The following RECQL4 variants were observed in gnomAD, a reference collection of about 807,000 sequenced individuals.
RECQL4 encodes ATP-dependent DNA helicase Q4.
Under a neutral mutation model 128.6 loss-of-function variants are expected in RECQL4, and 158 were observed. The observed-to-expected ratio is 1.23, with a 90% CI of 1.08 to 1.40. The LOEUF (loss-of-function observed/expected upper bound fraction) is 1.40. Ranked by LOEUF, RECQL4 falls within the 40% of genes most tolerant of loss-of-function variation. RECQL4 has a pLI of 0.00. For missense variants in RECQL4, 2,293 were observed against 1,649.8 expected, an observed-to-expected ratio of 1.39 and a Z score of -6.75; for synonymous variants, 996 against 678.9, an observed-to-expected ratio of 1.47 and a Z score of -7.26.
intron 1 of RECQL4, 27 bp downstream of exon 1, chr8:144,517,674 G>GC (rs1815418482): frequency 6.9e-7 from 1 of 1,456,130 alleles, no homozygotes; most frequent in Non-Finnish European, 9.0e-7. Context: ...CGCGCCCTCA[G>GC]CCCCTCGGCC....
Position 144,515,133 on chromosome 8 carries a change from C to A in RECQL4, c.1483+17G>T. ...GCCTGGCCTCAGCCCAGCCTCAGCC[C>A]TGGCAGCCACGCTCACCAGACAGGA... On this transcript the variant is annotated intron_variant, in intron 8 of 20. Coordinates refer to ENST00000617875, the MANE Select transcript of RECQL4 (RefSeq NM_004260.4). 1 of 1,568,964 alleles carries A rather than the reference C, an allele frequency of 6.4e-7. No homozygotes were observed. The highest frequency in any genetic ancestry group is 2.4e-5 in the East Asian group (1 of 42,034).
At position 144,515,843 on chromosome 8, in the gene RECQL4, A is replaced by G. The variant is rs916996999; in HGVS notation, c.1179T>C (p.Gly393=). 1 of 1,612,724 alleles carries G rather than the reference A, an allele frequency of 6.2e-7. No homozygotes were observed. Residue 393 remains glycine, a synonymous_variant, in exon 6 of 21, where the codon GGT becomes GGC. Transcript: ENST00000617875. ...WRKKGECFGG[G]GATVTTKESC... is the part of the protein sequence containing the mutation. ...ACTCCTTGGTTGTGACTGTGGCACC[A>G]CCACCCCCAAAACACTCCCCTTTCT...
Position 144,514,358 on chromosome 8 carries a change from C to T in RECQL4, c.1709G>A (p.Arg570Gln), listed in dbSNP as rs755865911. The change falls in exon 11 of 21, where the codon CGG becomes CAG. Residue 570 changes from arginine (R) to glutamine (Q), a missense_variant. Coordinates refer to ENST00000617875, the MANE Select transcript of RECQL4 (RefSeq NM_004260.4). The part of the protein sequence containing the change: ...KQRESVLQKI[R>Q]AAQVHVLMLT... ...CATCAGCACGTGTACCTGGGCTGCC[C>T]GAATCTGAAGGCAGCAAGATCAGAG... The T allele has an allele frequency of 1.2e-5, 19 of 1,600,292 alleles. No homozygotes were observed. The Middle Eastern group carries it at 1.2e-3, about 98-fold the overall frequency.
rs749208991 is a variant in RECQL4 at position 144,511,929 on chromosome 8, G to C, written c.3375C>G (p.Pro1125=). The stretch of plus-strand genomic sequence containing the variant: ...CACTCACTCTGGCCTGCCCTGGCTC[G>C]GGGCCCTGTGCGTCCTCCATGCCTC... The part of the protein sequence containing the change: ...EPGGMEDAQG[P]EPGQARLQDW... Residue 1125 remains proline, a synonymous_variant, in exon 19 of 21, where the codon CCC becomes CCG. Transcript: ENST00000617875. 1.2e-6 allele frequency: 2 copies of C among 1,610,892 alleles called. No individual in the cohort carries two copies.
chr8:144,514,517 G>A lies in RECQL4; in HGVS notation c.1629C>T (p.Gly543=). The A allele has an allele frequency of 1.9e-6, 3 of 1,611,184 alleles. No individual in the cohort carries two copies. The highest frequency in any genetic ancestry group is 1.7e-4 in the Middle Eastern group (1 of 6,054). The change falls in exon 10 of 21, where the codon GGC becomes GGT. Residue 543 remains glycine, a synonymous_variant. Coordinates refer to ENST00000617875, the MANE Select transcript of RECQL4 (RefSeq NM_004260.4). ...LLSLMDDQVS[G]LPPCLKAACI... is the part of the protein sequence containing the mutation. ...AGGCCGCCTTGAGACACGGTGGCAG[G>A]CCAGACACCTGCAAATGCAGGAGCG...
In RECQL4 at chr8:144,516,301, G is replaced by A. The variant is rs1349749745; in HGVS notation, c.818C>T (p.Ala273Val). 6.2e-7 allele frequency: 1 copy of A among 1,610,390 alleles called. No individual in the cohort carries two copies. The highest frequency in any genetic ancestry group is 8.5e-7 in the Non-Finnish European group (1 of 1,179,050). ...TTGGCTGCTCTCCTGCTGGACCTGT[G>A]CGGGGCTCTCCCAGGGCTCCTCGTT... is the stretch of plus-strand genomic sequence containing the variant. ...RWNEEPWESP[A>V]QVQQESSQAG... is the part of the protein sequence containing the mutation. The change falls in exon 5 of 21, where the codon GCA (alanine) becomes GTA (valine). Residue 273 changes from alanine to valine, a missense_variant. Coordinates refer to ENST00000617875, the MANE Select transcript of RECQL4 (RefSeq NM_004260.4).
Position 144,517,172 on chromosome 8 carries a change from A to C in RECQL4, c.232T>G (p.Trp78Gly), listed in dbSNP as rs768539707. ...GCAGCCCGATTCAGATGGGGCCCCC[A>C]GCAGCGGGGCTCTGGCGCCTGCAGG... ...AAEEAPEPRCWGPHLNRAATK... is the reference protein window; with the variant it reads ...AAEEAPEPRCGGPHLNRAATK... The change falls in exon 4 of 21, where the codon TGG (tryptophan) becomes GGG (glycine). Residue 78 changes from tryptophan (W) to glycine (G), a missense_variant. Trp to Gly is a radical substitution (Grantham distance 184). Transcript: ENST00000617875. 6.2e-7 allele frequency: 1 copy of C among 1,607,326 alleles called. No homozygotes were observed. Among genetic ancestry groups the C allele is most frequent in the Admixed American group, 1.7e-5 (1 of 59,304 alleles).
rs1827173179 is a variant in RECQL4 at position 144,511,454 on chromosome 8, C to T, written c.3604G>A (p.Glu1202Lys). 1 of 1,612,560 alleles carries T rather than the reference C, an allele frequency of 6.2e-7. No individual in the cohort carries two copies. Among genetic ancestry groups the T allele is most frequent in the Non-Finnish European group, 8.5e-7 (1 of 1,179,750 alleles). Residue 1202 changes from glutamate (E) to lysine (K), a missense_variant, in exon 21 of 21, where the codon GAG (glutamate) becomes AAG (lysine). Physicochemically the swap from Glu to Lys is moderately conservative, Grantham distance 56 (BLOSUM62 1). Transcript: ENST00000617875. ...AGTCAGCGGGCCACCTGCAGGAGCTCTTCCGTGGCCAGGCCCACCAGGGCA... is the reference window on the plus strand; with the variant it reads ...AGTCAGCGGGCCACCTGCAGGAGCTTTTCCGTGGCCAGGCCCACCAGGGCA... ...FHALVGLATE[E>K]LLQVAR
chr8:144,517,389 G>A (rs1432960414), intron 3 of RECQL4, 25 bp downstream of exon 3: 1 of 1,547,388 alleles, frequency 6.5e-7, no homozygotes. Context: ...AGTGGGAGGA[G>A]GCTGGGGCGG....
chr8:144,511,925 G>A lies in RECQL4; in HGVS notation c.3379C>T (p.Pro1127Ser), dbSNP rs1418891842. 4 of 1,610,964 alleles carry A rather than the reference G, an allele frequency of 2.5e-6. No individual in the cohort carries two copies. In the Admixed American group the frequency reaches 5.0e-5, roughly 20 times the overall value. The change falls in exon 19 of 21, where the codon CCA becomes TCA. Residue 1127 changes from proline to serine, a missense_variant. Transcript: ENST00000617875. ...GGMEDAQGPE[P>S]GQARLQDWED... ...ACTGCACTCACTCTGGCCTGCCCTGGCTCGGGGCCCTGTGCGTCCTCCATG... is the reference window on the plus strand; with the variant it reads ...ACTGCACTCACTCTGGCCTGCCCTGACTCGGGGCCCTGTGCGTCCTCCATG...
In RECQL4 at chr8:144,511,436, G is replaced by C. The variant is rs41555416; in HGVS notation, c.3622C>G (p.Arg1208Gly). The change falls in exon 21 of 21, where the codon CGC becomes GGC. Residue 1208 changes from arginine (R) to glycine (G), a missense_variant. Transcript: ENST00000617875. ...LATEELLQVA[R>G] ...CATCCCCCAATGCAGTGCAGTCAGC[G>C]GGCCACCTGCAGGAGCTCTTCCGTG... 11 of 1,612,222 alleles carry C rather than the reference G, an allele frequency of 6.8e-6. No homozygotes were observed. The highest frequency in any genetic ancestry group is 3.3e-4 in the Middle Eastern group (2 of 6,080).
rs1038685366 is a variant in RECQL4 at position 144,515,000 on chromosome 8, T to C, written c.1556A>G (p.Tyr519Cys). Reference protein sequence around the residue: ...SLCYQLPALLYSRRSPCLTLV... With the variant: ...SLCYQLPALLCSRRSPCLTLV... ...CGTGAGGCAGGGGCTGCGCCGGCTG[T>C]AGAGCAGCGCTGGGAGCTGGTAGCA... The change falls in exon 9 of 21, where the codon TAC becomes TGC. Residue 519 changes from tyrosine to cysteine, a missense_variant. Coordinates refer to ENST00000617875, the MANE Select transcript of RECQL4 (RefSeq NM_004260.4). The C allele has an allele frequency of 6.2e-7, 1 of 1,611,274 alleles. No individual in the cohort carries two copies. Among genetic ancestry groups the C allele is most frequent in the Admixed American group, 1.7e-5 (1 of 59,848 alleles).
chr8:144,515,118 A>G, intron 8 of RECQL4, 32 bp downstream of exon 8: 2 of 1,578,098 alleles, frequency 1.3e-6, no homozygotes, highest in South Asian at 2.3e-5. Flanking sequence ...GCCTGGCCTC[A>G]GCCCAGCCTC....
intron 4 of RECQL4, 94 bp downstream of exon 4, chr8:144,516,956 C>G (rs1815184982): frequency 6.6e-7 from 1 of 1,505,704 alleles, no homozygotes; most frequent in Non-Finnish European, 8.9e-7. Context: ...CACAGGGGCC[C>G]GTGCCTGTCT....
Position 144,512,235 on chromosome 8 carries a change from CCTT to C in RECQL4, c.3142_3144del (p.Lys1048del), listed in dbSNP as rs772583454. On this transcript the variant is annotated inframe_deletion, in exon 18 of 21. Transcript: ENST00000617875. ...CCATAGAGGAAGTCACATATCTGGTCCTTCTCCTCAGCGGTCAAGTCCCCCGGG... is the reference window on the plus strand; with the variant it reads ...CCATAGAGGAAGTCACATATCTGGTCCTCCTCAGCGGTCAAGTCCCCCGGG... The C allele has an allele frequency of 2.9e-5, 47 of 1,612,282 alleles. No individual in the cohort carries two copies. The highest frequency in any genetic ancestry group is 3.7e-5 in the Non-Finnish European group (44 of 1,179,750).
rs369250614 is a variant in RECQL4 at position 144,513,000 on chromosome 8, C to T, written c.2602G>A (p.Val868Met). 4.5e-5 allele frequency: 71 copies of T among 1,569,946 alleles called. No homozygotes were observed. The highest frequency in any genetic ancestry group is 1.3e-4 in the South Asian group (11 of 85,896). The change falls in exon 15 of 21, where the codon GTG becomes ATG. Residue 868 changes from valine (V) to methionine (M), a missense_variant. Physicochemically the swap from Val to Met is conservative, Grantham distance 21. Coordinates refer to ENST00000617875, the MANE Select transcript of RECQL4 (RefSeq NM_004260.4). ...TTGGGCACAGGCCTCTCCCCACCCACGGCCCCTTCCTGCTCCGAGGGCGGC... is the reference window on the plus strand; with the variant it reads ...TTGGGCACAGGCCTCTCCCCACCCATGGCCCCTTCCTGCTCCGAGGGCGGC... ...TRPPSEQEGA[V>M]GGERPVPKYP...
chr8:144,513,473 G>A lies in RECQL4; in HGVS notation c.2208C>T (p.Ala736=), dbSNP rs1183777303. 6.2e-7 allele frequency: 1 copy of A among 1,609,892 alleles called. No individual in the cohort carries two copies. Among genetic ancestry groups the A allele is most frequent in the Non-Finnish European group, 8.5e-7 (1 of 1,179,784 alleles). Residue 736 remains alanine (A), a synonymous_variant, in exon 14 of 21, where the codon GCC becomes GCT. Transcript: ENST00000617875. ...AAWVPGSGGR[A]PKTTAEAYHA... ...GGTAGGCCTCGGCTGTGGTTTTGGGGGCACGACCTTTGGGGAAGACAGGCA... is the reference window on the plus strand; with the variant it reads ...GGTAGGCCTCGGCTGTGGTTTTGGGAGCACGACCTTTGGGGAAGACAGGCA...
chr8:144,514,697 CCA>C (rs1827893191), intron 9 of RECQL4, among the ~76,000 whole-genome samples, 172 bp from the exon 10 acceptor site: 1 of 152,038 alleles, frequency 6.6e-6, no homozygotes, highest in African/African-American at 2.4e-5. Context: ...CCCAGGAGCC[CCA>C]GAGCAGACAG....
chr8:144,517,085 GC>G lies in RECQL4; in HGVS notation c.318del (p.Gln107SerfsTer7), dbSNP rs775439596. 1.2e-6 allele frequency: 2 copies of G among 1,612,294 alleles called. No homozygotes were observed. Among genetic ancestry groups the G allele is most frequent in the Non-Finnish European group, 1.7e-6 (2 of 1,179,612 alleles). On this transcript the variant is annotated frameshift_variant, in exon 4 of 21. Coordinates refer to ENST00000617875, the MANE Select transcript of RECQL4 (RefSeq NM_004260.4). LOFTEE classifies it high-confidence loss of function. ...CCTTTCAGATTGGCCTTGAGCCGCT[GC>G]CCGTAGTCCGGCACCGAGCCCTGGC... ...RSRQGSVPDYGQRLKANLKGT... is the reference protein window; with the variant it reads ...RSRQGSVPDYXQRLKANLKGT...
Sources: gnomAD v4.1 joint callset for allele counts (sites outside exome capture counted in the v4.1 genomes callset) on GRCh38, gnomAD v4.1.1 for gene constraint, MANE v1.5 for transcripts, NCBI Gene and HGNC (gene_info 2026-07-23, HGNC 2026-07-21) for gene names.